Variants in NFASC observed in about 807,000 individuals in gnomAD.
NFASC encodes the protein neurofascin homolog.
Under a neutral mutation model 147.5 loss-of-function variants are expected in NFASC, and 43 were observed. The observed-to-expected ratio is 0.29, with a 90% CI of 0.23 to 0.38. The LOEUF is 0.38. NFASC is among the 10% of genes least tolerant of loss of function. NFASC has a pLI of 1.00. For synonymous variants in NFASC, 622 were observed against 665.5 expected (o/e 0.93, Z 1.01); for missense variants, 1,320 against 1,689.0 (o/e 0.78, Z 3.83).
At chr1:204,838,319 T>G (rs1432804648) in intron 1 of NFASC, among the ~76,000 whole-genome samples, 1 of 152,230 alleles carries the variant, frequency 6.6e-6, no homozygotes, top group Non-Finnish European at 1.5e-5. Flanking sequence ...CTTTGCCACT[T>G]ACCTCTCCTT....
intron 25 of NFASC, chr1:205,000,553 G>A (rs2095955795): frequency 6.5e-6 from 1 of 154,244 alleles, no homozygotes; most frequent in Non-Finnish European, 1.4e-5. Flanking sequence ...TCCTCCTCCT[G>A]GCCACACGGC....
chr1:204,964,928 AC>A (rs1027924464), intron 8 of NFASC, among the ~76,000 whole-genome samples: 2 of 152,142 alleles, frequency 1.3e-5, no homozygotes, highest in African/African-American at 4.8e-5. Context: ...TTATCGTTGG[AC>A]CTTTAAGGCC....
intron 1 of NFASC, among the ~76,000 whole-genome samples, chr1:204,836,587 G>T (rs1344453416): frequency 6.6e-6 from 1 of 152,190 alleles, no homozygotes. Context: ...TTGCTGTCAG[G>T]TGTTGGCTGA....
chr1:204,869,242 C>T (rs2077374233), intron 1 of NFASC, among the ~76,000 whole-genome samples: 1 of 152,112 alleles, frequency 6.6e-6, no homozygotes, highest in African/African-American at 2.4e-5. Flanking sequence ...TGAGCCTGTC[C>T]CAAAGGGCTG....
At chr1:204,945,119 C>G (rs1293191736) in intron 3 of NFASC, 1 of 152,226 alleles carries the variant, frequency 6.6e-6, no homozygotes, top group Non-Finnish European at 1.5e-5. Flanking sequence ...ATCTAACAGC[C>G]ATGTCTCCAC....
At chr1:204,965,189 A>G (rs1028862763) in intron 8 of NFASC, among the ~76,000 whole-genome samples, 1 of 152,132 alleles carries the variant, frequency 6.6e-6, no homozygotes, top group Non-Finnish European at 1.5e-5. Context: ...CGAATAACCA[A>G]TACTCTCCAG....
At chr1:204,873,893 G>A (rs1023474680) in intron 1 of NFASC, among the ~76,000 whole-genome samples, 16 of 152,154 alleles carry the variant, frequency 1.1e-4, no homozygotes, top group African/African-American at 2.7e-4. Flanking sequence ...GAGCTGCAGT[G>A]GGGAGCAGGG....
intron 1 of NFASC, among the ~76,000 whole-genome samples, chr1:204,838,530 C>T (rs991257922): frequency 2.0e-5 from 3 of 152,140 alleles, no homozygotes; most frequent in African/African-American, 4.8e-5. Context: ...ATTCAAAAGC[C>T]GAGGGAAGGC....
In NFASC at chr1:204,968,516, A is replaced by G; in HGVS notation, c.818+156A>G. 4 of 636,432 alleles carry G rather than the reference A, an allele frequency of 6.3e-6. No homozygotes were observed. The Admixed American group carries it at 8.1e-5, about 13-fold the overall frequency. The allele number at this position is 636,432 out of a possible 1,614,324, so 39.4% of individuals were successfully genotyped here. On this transcript the variant is annotated intron_variant, in intron 9 of 29. Transcript: ENST00000339876. The surrounding 1 kb of genome is among the most constrained non-coding windows in gnomAD (Gnocchi z 5.4). ...TAGTGAGCAGGGTGTTGCAAACCAT[A>G]GTCATCTCCATCCTATCCTGGCCAT...
At chr1:204,967,958 AGCCCCTCCC>A in intron 8 of NFASC, 3 of 272,174 alleles carry the variant, frequency 1.1e-5, no homozygotes, top group Non-Finnish European at 1.4e-5. Flanking sequence ...CTGCTCAGAC[AGCCCCTCCC>A]CGTTCCAGGG....
chr1:204,980,477 C>T (rs2095490482), intron 20 of NFASC, 37 bp downstream of exon 20: 1 of 1,506,390 alleles, frequency 6.6e-7, no homozygotes, highest in Admixed American at 1.8e-5. Context: ...AGCAGCTCAC[C>T]TTGCCGCATG....
chr1:204,850,095 A>G (rs2075544194), intron 1 of NFASC, among the ~76,000 whole-genome samples: 2 of 152,168 alleles, frequency 1.3e-5, no homozygotes, highest in Non-Finnish European at 2.9e-5. Flanking sequence ...GAGACTGGAT[A>G]CTAATCCTTG....
At position 204,952,074 on chromosome 1, in the gene NFASC, A is replaced by G. The variant is rs1045729703; in HGVS notation, c.173A>G (p.Asn58Ser). Reference protein sequence around the residue: ...AKDHIVDPRDNILIECEAKGN... With the variant: ...AKDHIVDPRDSILIECEAKGN... ...GATCACATCGTGGACCCCCGTGATA[A>G]CATCCTGATTGAGTGTGAAGCAAAA... Residue 58 changes from asparagine to serine, a missense_variant, in exon 5 of 30, where the codon AAC becomes AGC. By Grantham distance (46) the Asn-to-Ser change is conservative. This residue lies in a region of NFASC where 981 missense variants were observed against 1,289.5 expected (regional missense o/e 0.76). Transcript: ENST00000339876. 6.2e-7 allele frequency: 1 copy of G among 1,614,068 alleles called. No homozygotes were observed. The highest frequency in any genetic ancestry group is 1.3e-5 in the African/African-American group (1 of 74,936).
At chr1:204,985,208 T>C (rs1260172451) in intron 21 of NFASC, among the ~76,000 whole-genome samples, 1 of 152,158 alleles carries the variant, frequency 6.6e-6, no homozygotes. Context: ...TACCCACTGC[T>C]AATTAGAGAC....
chr1:204,838,593 C>G (rs932820470), intron 1 of NFASC, among the ~76,000 whole-genome samples: 1 of 152,172 alleles, frequency 6.6e-6, no homozygotes, highest in Non-Finnish European at 1.5e-5. Flanking sequence ...TTTTCGGAGC[C>G]TGGAACGGGA....
chr1:204,835,095 C>T (rs1457629048), intron 1 of NFASC, among the ~76,000 whole-genome samples: 1 of 151,908 alleles, frequency 6.6e-6, no homozygotes, highest in Non-Finnish European at 1.5e-5. Flanking sequence ...GATATGTGTC[C>T]AAATATAAGT....
chr1:204,937,142 G>A (rs991807926), intron 2 of NFASC, among the ~76,000 whole-genome samples: 9 of 148,920 alleles, frequency 6.0e-5, no homozygotes, highest in African/African-American at 2.3e-4. Context: ...CACTACTGTG[G>A]TTTCTTTCTT....
At chr1:204,943,301 T>C (rs934131990) in intron 2 of NFASC, among the ~76,000 whole-genome samples, 12 of 152,192 alleles carry the variant, frequency 7.9e-5, no homozygotes, top group Non-Finnish European at 1.6e-4. Flanking sequence ...CTTGCTCTTC[T>C]CTTTCTAGAG....
At chr1:204,837,815 A>C (rs1674197305) in intron 1 of NFASC, among the ~76,000 whole-genome samples, 1 of 152,148 alleles carries the variant, frequency 6.6e-6, no homozygotes, top group Non-Finnish European at 1.5e-5. Context: ...TTTTGTCAGT[A>C]AAATAGTTAC....
Sources: gnomAD v4.1 joint callset for allele counts (sites outside exome capture counted in the v4.1 genomes callset) on GRCh38, gnomAD v4.1.1 for gene constraint, gnomAD v4.1.1 regional missense constraint, Gnocchi (gnomAD v3.1) non-coding constraint, MANE v1.5 for transcripts, NCBI Gene and HGNC (gene_info 2026-07-23, HGNC 2026-07-21) for gene names.